The following STYXL2 variants were observed in gnomAD, a reference collection of about 807,000 sequenced individuals.
STYXL2 encodes the protein serine/threonine/tyrosine-interacting-like protein 2.
Under a neutral mutation model 52.4 loss-of-function variants are expected in STYXL2, and 44 were observed. The ratio of observed to expected loss-of-function variants is 0.84; its 90% CI spans 0.66 to 1.08. STYXL2 has a LOEUF of 1.08. Ranked by LOEUF, STYXL2 falls within the 50% of genes least tolerant of loss-of-function variation. The probability of loss-of-function intolerance (pLI) is 0.00; values close to 1 mark genes in which losing one functional copy is unlikely to be tolerated. For synonymous variants in STYXL2, 604 were observed against 586.9 expected, an observed-to-expected ratio of 1.03 and a Z score of -0.42; for missense variants, 1,604 against 1,471.7, an observed-to-expected ratio of 1.09 and a Z score of -1.47.
rs1416831265 is a variant in STYXL2, at chr1:167,126,238, A to T, written c.1107A>T (p.Gly369=). The T allele has an allele frequency of 3.9e-6, 6 of 1,545,710 alleles. No homozygotes were observed. The highest frequency in any genetic ancestry group is 5.2e-6 in the Non-Finnish European group (6 of 1,150,762). Residue 369 remains glycine (G), a synonymous_variant, in exon 6 of 6, where the codon GGA becomes GGT. Coordinates refer to ENST00000361200, the MANE Select transcript of STYXL2 (RefSeq NM_001080426.3). ...TCTCAGACAAGGTCCCCCAGGATGGAGGTGGCTGGCGCTCAGCCTCCTCTG... is the reference window on the plus strand; with the variant it reads ...TCTCAGACAAGGTCCCCCAGGATGGTGGTGGCTGGCGCTCAGCCTCCTCTG... The part of the protein sequence containing the change: ...GLLSDKVPQD[G]GGWRSASSGQ...
chr1:167,101,737 G>T (rs1422686391), intron 2 of STYXL2, among the ~76,000 whole-genome samples: 8 of 150,198 alleles, frequency 5.3e-5, no homozygotes, highest in Non-Finnish European at 8.9e-5. Flanking sequence ...AGAGGTGGAG[G>T]TTGCAGTGAA....
In STYXL2 at chr1:167,126,613, G is replaced by T; in HGVS notation, c.1482G>T (p.Arg494Ser). 2 of 1,614,074 alleles carry T rather than the reference G, an allele frequency of 1.2e-6. No homozygotes were observed. The highest frequency in any genetic ancestry group is 1.7e-6 in the Non-Finnish European group (2 of 1,180,030). The part of the protein sequence containing the change: ...LLEIEKEASR[R>S]YHAKSKREEA... ...AGATTGAGAAGGAGGCTTCCCGGAGGTACCACGCCAAGAGCAAGAGAGAGG... is the reference window on the plus strand; with the variant it reads ...AGATTGAGAAGGAGGCTTCCCGGAGTTACCACGCCAAGAGCAAGAGAGAGG... Residue 494 changes from arginine to serine, a missense_variant, in exon 6 of 6, where the codon AGG becomes AGT. Arg to Ser is a moderately radical substitution (Grantham distance 110). Transcript: ENST00000361200.
At chr1:167,110,509 A>G (rs913139803) in intron 2 of STYXL2, among the ~76,000 whole-genome samples, 3 of 152,238 alleles carry the variant, frequency 2.0e-5, no homozygotes, top group Non-Finnish European at 4.4e-5. Context: ...AACTCCAGAA[A>G]AATAGATAGC....
At chr1:167,094,514 GTTC>G (rs1057253899) in intron 1 of STYXL2, 52 of 306,696 alleles carry the variant, frequency 1.7e-4, no homozygotes, top group Non-Finnish European at 3.0e-4. Flanking sequence ...GGAAGTCATT[GTTC>G]TTCAACTTTT....
rs765510264 is a variant in STYXL2 at position 167,125,814 on chromosome 1, G to A, written c.683G>A (p.Gly228Asp). Residue 228 changes from glycine (G) to aspartate (D), a missense_variant, in exon 6 of 6, where the codon GGC becomes GAC. Coordinates refer to ENST00000361200, the MANE Select transcript of STYXL2 (RefSeq NM_001080426.3). ...RGKVLVSSEM[G>D]ISRSAVLVVA... is the part of the protein sequence containing the mutation. ...AAAGTCCTGGTCAGCAGCGAAATGG[G>A]CATCAGCCGGTCAGCAGTGCTGGTG... 1.2e-6 allele frequency: 2 copies of A among 1,606,444 alleles called. No individual in the cohort carries two copies. The highest frequency in any genetic ancestry group is 1.7e-5 in the Admixed American group (1 of 58,478).
At position 167,106,871 on chromosome 1, in the gene STYXL2, T is replaced by A. The variant is rs148218157; in HGVS notation, c.111-6839T>A. Among the ~76,000 whole-genome samples the A allele has an allele frequency of 2.0e-5, 3 of 152,306 alleles. No homozygotes were observed. The East Asian group carries it at 5.8e-4, about 29-fold the overall frequency. ...TACTGAGGAGAAGAGTGCCTAAGCA[T>A]TTGCTTAAAACTTGCTTCCTAGCCC... On this transcript the variant is annotated intron_variant, in intron 2 of 5. Coordinates refer to ENST00000361200, the MANE Select transcript of STYXL2 (RefSeq NM_001080426.3).
chr1:167,107,445 A>G (rs1667527879), intron 2 of STYXL2, among the ~76,000 whole-genome samples: 1 of 152,200 alleles, frequency 6.6e-6, no homozygotes, highest in African/African-American at 2.4e-5. Flanking sequence ...CATAGGCCTC[A>G]GATATTGTAT....
Position 167,126,715 on chromosome 1 carries a change from T to C in STYXL2, c.1584T>C (p.Ser528=). 6.2e-7 allele frequency: 1 copy of C among 1,614,022 alleles called. No homozygotes were observed. Among genetic ancestry groups the C allele is most frequent in the South Asian group, 1.1e-5 (1 of 91,058 alleles). The change falls in exon 6 of 6, where the codon AGT becomes AGC. Residue 528 remains serine, a synonymous_variant. Coordinates refer to ENST00000361200, the MANE Select transcript of STYXL2 (RefSeq NM_001080426.3). Reference sequence around the variant, plus strand: ...AGGACAGCGTGGGCTCTGAGGCCAGTTCCTTCTACAACTTCTGCAGCAGGA... The same window carrying C: ...AGGACAGCGTGGGCTCTGAGGCCAGCTCCTTCTACAACTTCTGCAGCAGGA... ...DDEDSVGSEA[S]SFYNFCSRNK... is the part of the protein sequence containing the mutation.
At position 167,127,274 on chromosome 1, in the gene STYXL2, G is replaced by A. The variant is rs767826523; in HGVS notation, c.2143G>A (p.Gly715Arg). 90 of 1,614,070 alleles carry A rather than the reference G, an allele frequency of 5.6e-5. No homozygotes were observed. Among genetic ancestry groups the A allele is most frequent in the Non-Finnish European group, 7.3e-5 (86 of 1,180,048 alleles). ...CCTGCCTAACCTGCCAGTGGGGCCTGGAGACACCATTTCCATTGCCAGTAT... is the reference window on the plus strand; with the variant it reads ...CCTGCCTAACCTGCCAGTGGGGCCTAGAGACACCATTTCCATTGCCAGTAT... ...TPLPNLPVGP[G>R]DTISIASIQN... is the part of the protein sequence containing the mutation. The change falls in exon 6 of 6, where the codon GGA (glycine) becomes AGA (arginine). Residue 715 changes from glycine (G) to arginine (R), a missense_variant. Physicochemically the swap from Gly to Arg is moderately radical, Grantham distance 125. Coordinates refer to ENST00000361200, the MANE Select transcript of STYXL2 (RefSeq NM_001080426.3).
chr1:167,100,922 A>T (rs1442228880), intron 2 of STYXL2, among the ~76,000 whole-genome samples: 4 of 152,188 alleles, frequency 2.6e-5, no homozygotes, highest in Non-Finnish European at 4.4e-5. Flanking sequence ...AAACTATTAC[A>T]TTTGCACAGG....
At chr1:167,100,340 G>T (rs1202886847) in intron 2 of STYXL2, among the ~76,000 whole-genome samples, 1 of 152,172 alleles carries the variant, frequency 6.6e-6, no homozygotes, top group Admixed American at 6.5e-5. Context: ...ATGAGTTTTG[G>T]TGAGGACAAA....
intron 5 of STYXL2, among the ~76,000 whole-genome samples, chr1:167,121,039 C>A (rs1358704815): frequency 6.9e-6 from 1 of 144,328 alleles, no homozygotes; most frequent in Non-Finnish European, 1.5e-5. Flanking sequence ...TAGGCGGAGT[C>A]TCGCTCTTGT....
chr1:167,113,747 T>C lies in STYXL2; in HGVS notation c.148T>C (p.Phe50Leu), dbSNP rs772791693. Residue 50 changes from phenylalanine to leucine, a missense_variant, in exon 3 of 6, where the codon TTC becomes CTC. Phe to Leu is a conservative substitution (Grantham distance 22). Transcript: ENST00000361200. Reference protein sequence around the residue: ...MVSDAETESIFMEPIHLSSAI... With the variant: ...MVSDAETESILMEPIHLSSAI... Reference sequence around the variant, plus strand: ...CTCAGATGCAGAAACAGAAAGCATTTTCATGGAACCCATTCACCTCTCCTC... The same window carrying C: ...CTCAGATGCAGAAACAGAAAGCATTCTCATGGAACCCATTCACCTCTCCTC... 6.2e-7 allele frequency: 1 copy of C among 1,614,080 alleles called. No homozygotes were observed. The highest frequency in any genetic ancestry group is 8.5e-7 in the Non-Finnish European group (1 of 1,179,958).
At chr1:167,110,255 A>G (rs1046107995) in intron 2 of STYXL2, among the ~76,000 whole-genome samples, 1 of 152,218 alleles carries the variant, frequency 6.6e-6, no homozygotes, top group Non-Finnish European at 1.5e-5. Flanking sequence ...TTCCTCCAAC[A>G]TAGTCTAGCC....
chr1:167,113,387 G>C (rs1249208158), intron 2 of STYXL2, among the ~76,000 whole-genome samples: 2 of 152,190 alleles, frequency 1.3e-5, no homozygotes, highest in Non-Finnish European at 2.9e-5. Context: ...AAAATGAGCA[G>C]CGGGACATCC....
At chr1:167,117,076 G>A (rs1330974120) in intron 3 of STYXL2, among the ~76,000 whole-genome samples, 1 of 152,168 alleles carries the variant, frequency 6.6e-6, no homozygotes, top group African/African-American at 2.4e-5. Flanking sequence ...AGAAGCATGG[G>A]AGGGAGTAAA....
intron 2 of STYXL2, 25 bp downstream of exon 2, chr1:167,094,984 C>A: frequency 6.4e-7 from 1 of 1,553,250 alleles, no homozygotes; most frequent in East Asian, 2.3e-5. Flanking sequence ...ATCTCCCACC[C>A]TCACAGCCCC....
At chr1:167,117,647 G>A (rs985397750) in intron 4 of STYXL2, 88 bp downstream of exon 4, 15 of 1,236,118 alleles carry the variant, frequency 1.2e-5, no homozygotes, top group Non-Finnish European at 1.6e-5. Context: ...TTCACCAAAG[G>A]CGCCCATAGG....
intron 2 of STYXL2, among the ~76,000 whole-genome samples, chr1:167,111,503 TATATATATATAC>T (rs1484588716): frequency 4.1e-5 from 2 of 48,826 alleles, no homozygotes; most frequent in African/African-American, 3.2e-4. Context: ...TATATATATA[TATATATATATAC>T]ACACACACAC....
Sources: gnomAD v4.1 joint callset for allele counts (sites outside exome capture counted in the v4.1 genomes callset) on GRCh38, gnomAD v4.1.1 for gene constraint, MANE v1.5 for transcripts, NCBI Gene and HGNC (gene_info 2026-07-23, HGNC 2026-07-21) for gene names.